SEPHS1: variants seen among roughly 807,000 people sequenced by gnomAD.
SEPHS1 encodes zincore component SEPHS1.
In SEPHS1, 7 loss-of-function variants were observed where a neutral mutation model predicts 39.2. That is an observed-to-expected ratio of 0.18 (90% CI 0.10 to 0.34). The LOEUF (loss-of-function observed/expected upper bound fraction) is 0.34, where lower values mean the gene tolerates loss of function less well. Among genes scored for constraint, SEPHS1 ranks in the 10% least tolerant of loss-of-function variants. The pLI is 1.00. For synonymous variants in SEPHS1, 190 were observed against 195.5 expected (o/e 0.97, Z 0.23); for missense variants, 253 against 514.5 (o/e 0.49, Z 4.92).
In SEPHS1 at chr10:13,328,474, GGAGA is replaced by G. The variant is rs760570138; in HGVS notation, c.652-28_652-25del. 21 of 1,496,406 alleles carry G rather than the reference GGAGA, an allele frequency of 1.4e-5. No homozygotes were observed. In the Middle Eastern group the frequency reaches 8.6e-4, roughly 62 times the overall value. The allele number at this position is 1,496,406 out of a possible 1,614,324, so 92.7% of individuals were successfully genotyped here. On this transcript the variant is annotated intron_variant, in intron 6 of 8. Transcript: ENST00000327347. Reference sequence around the variant, plus strand: ...GGCTGATAATAGAAATGTAGGTGAGGGAGAGAAAGAGAGGAAAATGTGATTAATC... The same window carrying G: ...GGCTGATAATAGAAATGTAGGTGAGGGAAAGAGAGGAAAATGTGATTAATC...
chr10:13,331,805 T>G (rs1402918093), intron 5 of SEPHS1, among the ~76,000 whole-genome samples: 2 of 152,196 alleles, frequency 1.3e-5, no homozygotes, highest in Non-Finnish European at 2.9e-5. Flanking sequence ...CTCGGCCTCA[T>G]CAGTCATCAG....
At chr10:13,320,861 A>G (rs909426219) in intron 8 of SEPHS1, among the ~76,000 whole-genome samples, 4 of 152,172 alleles carry the variant, frequency 2.6e-5, no homozygotes, top group African/African-American at 9.6e-5. Context: ...TGAAGAAAGG[A>G]AACAAATTTA....
chr10:13,332,888 A>C (rs1451070517), intron 5 of SEPHS1, among the ~76,000 whole-genome samples: 1 of 152,072 alleles, frequency 6.6e-6, no homozygotes, highest in African/African-American at 2.4e-5. Flanking sequence ...AAATAGGATT[A>C]AAATACTGAC....
chr10:13,347,747 TCCCCGC>T (rs1564456612), intron 1 of SEPHS1, among the ~76,000 whole-genome samples: 1 of 125,542 alleles, frequency 8.0e-6, no homozygotes, highest in Non-Finnish European at 1.8e-5. Context: ...CCTCCGCTCC[TCCCCGC>T]CCTCCCTCCC....
chr10:13,333,704 G>C (rs1171664261), intron 5 of SEPHS1, 113 bp downstream of exon 5: 2 of 1,116,990 alleles, frequency 1.8e-6, no homozygotes, highest in Non-Finnish European at 2.6e-6. Context: ...GCCTACCAAA[G>C]TCTGGGATCA....
At chr10:13,326,929 G>A (rs910870801) in intron 7 of SEPHS1, among the ~76,000 whole-genome samples, 1 of 152,080 alleles carries the variant, frequency 6.6e-6, no homozygotes, top group East Asian at 1.9e-4. Context: ...ACATTTCTCT[G>A]GTAGAACATT....
chr10:13,335,461 C>T (rs1332241248), intron 4 of SEPHS1, among the ~76,000 whole-genome samples: 2 of 150,000 alleles, frequency 1.3e-5, no homozygotes, highest in South Asian at 2.1e-4. Flanking sequence ...CTCAGGAGTT[C>T]GAGACCAGCC....
At chr10:13,346,270 G>C (rs570666815) in intron 1 of SEPHS1, among the ~76,000 whole-genome samples, 1 of 152,348 alleles carries the variant, frequency 6.6e-6, no homozygotes, top group African/African-American at 2.4e-5. Flanking sequence ...CAAACCTCCA[G>C]ACTGATACTT....
At chr10:13,339,204 T>C (rs898699439) in intron 2 of SEPHS1, among the ~76,000 whole-genome samples, 2 of 152,258 alleles carry the variant, frequency 1.3e-5, no homozygotes, top group Non-Finnish European at 2.9e-5. Flanking sequence ...AGTATAGTTA[T>C]TGTGCGTACA....
intron 2 of SEPHS1, among the ~76,000 whole-genome samples, chr10:13,343,529 C>A (rs184859914): frequency 6.6e-6 from 1 of 152,030 alleles, no homozygotes; most frequent in East Asian, 1.9e-4. Flanking sequence ...AAATGAAAAC[C>A]TTGGCTGGGT....
At chr10:13,341,531 A>T (rs962294809) in intron 2 of SEPHS1, among the ~76,000 whole-genome samples, 11 of 151,192 alleles carry the variant, frequency 7.3e-5, no homozygotes, top group Non-Finnish European at 7.4e-5. Flanking sequence ...TCTAAGGCAC[A>T]CTTCTTTTAC....
At chr10:13,333,769 CAG>C (rs564698626) in intron 5 of SEPHS1, 46 bp downstream of exon 5, 301 of 1,588,670 alleles carry the variant, frequency 1.9e-4, no homozygotes, top group Admixed American at 8.3e-4. Context: ...AAAGAGAGGA[CAG>C]AGAGAGAAAA....
At chr10:13,339,520 C>T (rs1300331826) in intron 2 of SEPHS1, among the ~76,000 whole-genome samples, 2 of 152,076 alleles carry the variant, frequency 1.3e-5, no homozygotes, top group Non-Finnish European at 2.9e-5. Flanking sequence ...ATTTTACAAA[C>T]TCAGACTAGC....
chr10:13,341,770 A>G (rs1325095701), intron 2 of SEPHS1, among the ~76,000 whole-genome samples: 1 of 149,392 alleles, frequency 6.7e-6, no homozygotes, highest in African/African-American at 2.5e-5. Context: ...CAGCCTGACC[A>G]ACATAGTGAA....
intron 8 of SEPHS1, among the ~76,000 whole-genome samples, chr10:13,320,262 A>G (rs1164331731): frequency 6.6e-6 from 1 of 150,804 alleles, no homozygotes; most frequent in Non-Finnish European, 1.5e-5. Flanking sequence ...GCTCACTGCA[A>G]GCTCCACCTC....
chr10:13,331,169 C>CT lies in SEPHS1; in HGVS notation c.561-1382dup, dbSNP rs1833456096. Among the ~76,000 whole-genome samples, 8 of 152,268 alleles carry CT rather than the reference C, an allele frequency of 5.3e-5. No individual in the cohort carries two copies. In the South Asian group the frequency reaches 1.7e-3, roughly 32 times the overall value. On this transcript the variant is annotated intron_variant, in intron 5 of 8. Coordinates refer to ENST00000327347, the MANE Select transcript of SEPHS1 (RefSeq NM_012247.5). ...TCCCTGCAAAGTACATGAACTCATC[C>CT]TTTTTTACGGCTGCGTAGTATTCCA...
rs1049202907 is a variant in SEPHS1, at chr10:13,342,321, C to T, written c.193+2437G>A. ...TACAGCCGGGTGCGGTGGCTCACGC[C>T]TGTAATCCCAGCACTTTGGGAGGCT... is the stretch of plus-strand genomic sequence containing the variant. On this transcript the variant is annotated intron_variant, in intron 2 of 8. Coordinates refer to ENST00000327347, the MANE Select transcript of SEPHS1 (RefSeq NM_012247.5). Among the ~76,000 whole-genome samples, 6 of 151,654 alleles carry T rather than the reference C, an allele frequency of 4.0e-5. No individual in the cohort carries two copies. The South Asian group carries it at 1.2e-3, about 32-fold the overall frequency.
chr10:13,336,126 C>T (rs1195261366), intron 4 of SEPHS1, 117 bp downstream of exon 4: 2 of 633,926 alleles, frequency 3.2e-6, no homozygotes, highest in South Asian at 2.0e-5. Context: ...AGAAGGAGTG[C>T]AGGGAGCCAT....
chr10:13,333,854 C>T lies in SEPHS1; in HGVS notation c.523G>A (p.Val175Met). 1 of 1,613,874 alleles carries T rather than the reference C, an allele frequency of 6.2e-7. No individual in the cohort carries two copies. Among genetic ancestry groups the T allele is most frequent in the East Asian group, 2.2e-5 (1 of 44,898 alleles). The change falls in exon 5 of 9, where the codon GTG becomes ATG. Residue 175 changes from valine (V) to methionine (M), a missense_variant. By Grantham distance (21) the Val-to-Met change is conservative (BLOSUM62 1). Around this residue, in one of 4 missense-constraint regions of SEPHS1, gnomAD observed 107 missense variants for 257.1 expected, o/e 0.42. Coordinates refer to ENST00000327347, the MANE Select transcript of SEPHS1 (RefSeq NM_012247.5). Reference sequence around the variant, plus strand: ...TTGGGTTGGCAGACAGTGGTAGCCACTCCTCCCAGGACAATCCAGGGGTTT... The same window carrying T: ...TTGGGTTGGCAGACAGTGGTAGCCATTCCTCCCAGGACAATCCAGGGGTTT... Reference protein sequence around the residue: ...VLNPWIVLGGVATTVCQPNEF... With the variant: ...VLNPWIVLGGMATTVCQPNEF...
Sources: gnomAD v4.1 joint callset for allele counts (sites outside exome capture counted in the v4.1 genomes callset) on GRCh38, gnomAD v4.1.1 for gene constraint, gnomAD v4.1.1 regional missense constraint, MANE v1.5 for transcripts, NCBI Gene and HGNC (gene_info 2026-07-23, HGNC 2026-07-21) for gene names.